The following PLPPR2 variants were observed in gnomAD, a reference collection of about 807,000 sequenced individuals.
PLPPR2 encodes the protein phospholipid phosphatase-related protein type 2.
PLPPR2 carries 11 observed loss-of-function variants against 40.3 expected under a neutral mutation model. The observed-to-expected ratio is 0.27, with a 90% CI of 0.17 to 0.45. The LOEUF is 0.45. Among genes scored for constraint, PLPPR2 ranks in the 20% least tolerant of loss-of-function variants. The pLI is 1.00. For missense variants in PLPPR2, 497 were observed against 640.7 expected (o/e 0.78, Z 2.42); for synonymous variants, 260 against 290.8 (o/e 0.89, Z 1.08).
chr19:11,359,362 C>T lies in PLPPR2; in HGVS notation c.67-170C>T. On this transcript the variant is annotated intron_variant, in intron 3 of 9. Coordinates refer to ENST00000688289, the MANE Select transcript of PLPPR2 (RefSeq NM_001393892.1). This position sits in a 1 kb window ranked among gnomAD's most constrained non-coding sequence, Gnocchi z 5.6. ...CCTGACCCTTCTCTCACCTCCTTTC[C>T]CCATTTCTCTCAGTCTCTCTCCCCC... The T allele has an allele frequency of 3.6e-6, 2 of 553,204 alleles. No homozygotes were observed. Among genetic ancestry groups the T allele is most frequent in the Non-Finnish European group, 5.9e-6 (2 of 336,904 alleles). The allele number at this position is 553,204 out of a possible 1,614,324, so 34.3% of individuals were successfully genotyped here.
Position 11,363,851 on chromosome 19 carries a change from G to C in PLPPR2, c.963+16G>C. Reference sequence around the variant, plus strand: ...TGTGGCGCAGGTAAGGGGGGCCGGGGGCTGCTCCCGGCTGGAGAGGGTGGT... The same window carrying C: ...TGTGGCGCAGGTAAGGGGGGCCGGGCGCTGCTCCCGGCTGGAGAGGGTGGT... On this transcript the variant is annotated intron_variant, in intron 8 of 9. Transcript: ENST00000688289. The surrounding 1 kb of genome is among the most constrained non-coding windows in gnomAD (Gnocchi z 4.8). The C allele has an allele frequency of 6.2e-7, 1 of 1,609,908 alleles. No homozygotes were observed. Among genetic ancestry groups the C allele is most frequent in the Non-Finnish European group, 8.5e-7 (1 of 1,177,920 alleles).
At position 11,362,338 on chromosome 19, in the gene PLPPR2, T is replaced by G; in HGVS notation, c.664-175T>G. 4.7e-5 allele frequency: 21 copies of G among 450,352 alleles called. No individual in the cohort carries two copies. The highest frequency in any genetic ancestry group is 5.6e-5 in the Non-Finnish European group (14 of 252,144). The allele number at this position is 450,352 out of a possible 1,614,324, so 27.9% of individuals were successfully genotyped here. ...TCCCTGACCCCCCCCCCTTTGCCTT[T>G]TTGGTCACGCTCCCTGGAAAAGCCC... On this transcript the variant is annotated intron_variant, in intron 6 of 9. Transcript: ENST00000688289. The surrounding 1 kb of genome is among the most constrained non-coding windows in gnomAD (Gnocchi z 5.3).
Position 11,363,463 on chromosome 19 carries a change from TAAAAA to T in PLPPR2, c.841-247_841-243del, listed in dbSNP as rs1568322679. Reference sequence around the variant, plus strand: ...AGACTGTCTCAAAAAAATAAAAAATTAAAAAAATTAAATCCTGCCACTGTACAACT... The same window carrying T: ...AGACTGTCTCAAAAAAATAAAAAATTAATTAAATCCTGCCACTGTACAACT... On this transcript the variant is annotated intron_variant, in intron 7 of 9. Coordinates refer to ENST00000688289, the MANE Select transcript of PLPPR2 (RefSeq NM_001393892.1). This position sits in a 1 kb window ranked among gnomAD's most constrained non-coding sequence, Gnocchi z 4.8. Among the ~76,000 whole-genome samples the T allele has an allele frequency of 6.6e-6, 1 of 151,962 alleles. No homozygotes were observed. The highest frequency in any genetic ancestry group is 2.4e-5 in the African/African-American group (1 of 41,440).
intron 3 of PLPPR2, 32 bp downstream of exon 3, chr19:11,357,771 C>A: frequency 1.3e-6 from 2 of 1,548,048 alleles, no homozygotes; most frequent in Non-Finnish European, 1.8e-6. Context: ...CCAGAGACGG[C>A]GTGCCTATCT....
chr19:11,364,984 TAACCAAAAGGAGTTGGCTCC>T lies in PLPPR2; in HGVS notation c.*301_*320del. The T allele has an allele frequency of 2.2e-6, 1 of 454,776 alleles. No individual in the cohort carries two copies. Among genetic ancestry groups the T allele is most frequent in the African/African-American group, 2.1e-5 (1 of 48,754 alleles). The allele number at this position is 454,776 out of a possible 1,614,324, so 28.2% of individuals were successfully genotyped here. On this transcript the variant is annotated 3_prime_UTR_variant, in exon 10 of 10. Coordinates refer to ENST00000688289, the MANE Select transcript of PLPPR2 (RefSeq NM_001393892.1). The surrounding 1 kb of genome is among the most constrained non-coding windows in gnomAD (Gnocchi z 5.8). Reference sequence around the variant, plus strand: ...TGAGAACCCCTGGTTCTCAGAATTTTAACCAAAAGGAGTTGGCTCCAACCAATGGGAGCCTTCCCCTCACT... The same window carrying T: ...TGAGAACCCCTGGTTCTCAGAATTTTAACCAATGGGAGCCTTCCCCTCACT...
rs1266553129 is a variant in PLPPR2 at position 11,364,705 on chromosome 19, C to T, written c.*15C>T. 2 of 1,537,116 alleles carry T rather than the reference C, an allele frequency of 1.3e-6. No individual in the cohort carries two copies. The highest frequency in any genetic ancestry group is 1.7e-6 in the Non-Finnish European group (2 of 1,146,818). On this transcript the variant is annotated 3_prime_UTR_variant, in exon 10 of 10. Transcript: ENST00000688289. This position sits in a 1 kb window ranked among gnomAD's most constrained non-coding sequence, Gnocchi z 5.8. Reference sequence around the variant, plus strand: ...ACCTGCTGTGAGGCCCGACCACCCACCCAGAATCTGCCCAGTCCCCACTTC... The same window carrying T: ...ACCTGCTGTGAGGCCCGACCACCCATCCAGAATCTGCCCAGTCCCCACTTC...
chr19:11,364,631 C>G lies in PLPPR2; in HGVS notation c.1300C>G (p.Pro434Ala). Residue 434 changes from proline to alanine, a missense_variant, in exon 10 of 10, where the codon CCC becomes GCC. Transcript: ENST00000688289. The surrounding 1 kb of genome is among the most constrained non-coding windows in gnomAD (Gnocchi z 5.8). Reference protein sequence around the residue: ...LYTLSGLYPSPFHRDNFSPYL... With the variant: ...LYTLSGLYPSAFHRDNFSPYL... ...CACCCTGAGTGGACTCTATCCCTCC[C>G]CCTTCCACCGGGACAACTTCAGCCC... The G allele has an allele frequency of 1.3e-6, 2 of 1,537,246 alleles. No individual in the cohort carries two copies. Among genetic ancestry groups the G allele is most frequent in the Non-Finnish European group, 1.7e-6 (2 of 1,146,894 alleles).
At chr19:11,357,922 C>T (rs1054991255) in intron 3 of PLPPR2, among the ~76,000 whole-genome samples, 183 bp downstream of exon 3, 2 of 152,100 alleles carry the variant, frequency 1.3e-5, no homozygotes, top group Non-Finnish European at 1.5e-5. Context: ...TCCCTCTCTG[C>T]CCCATCCACA....
At chr19:11,356,565 G>C (rs1183819432) in intron 1 of PLPPR2, among the ~76,000 whole-genome samples, 1 of 151,984 alleles carries the variant, frequency 6.6e-6, no homozygotes, top group Non-Finnish European at 1.5e-5. Context: ...CTGAACAAGG[G>C]GGCCCCTCTT....
Position 11,364,290 on chromosome 19 carries a change from C to A in PLPPR2, c.1016-57C>A. The stretch of plus-strand genomic sequence containing the variant: ...CACTGCCCCAGAGGTCTCACCTAGG[C>A]CTTTATGCTGCCTCCCGAGTTTTCT... On this transcript the variant is annotated intron_variant, in intron 9 of 9. Transcript: ENST00000688289. The surrounding 1 kb of genome is among the most constrained non-coding windows in gnomAD (Gnocchi z 5.8). 6.5e-7 allele frequency: 1 copy of A among 1,538,890 alleles called. No homozygotes were observed. Among genetic ancestry groups the A allele is most frequent in the Non-Finnish European group, 8.7e-7 (1 of 1,142,938 alleles).
Position 11,361,463 on chromosome 19 carries a change from G to A in PLPPR2, c.638G>A (p.Cys213Tyr). The stretch of plus-strand genomic sequence containing the variant: ...TTCCCCTGCAAGGATGCGGCCCTCT[G>A]CGCCTACGCGGTCACCTACACAGCG... Reference protein sequence around the residue: ...RAFPCKDAALCAYAVTYTAMY... With the variant: ...RAFPCKDAALYAYAVTYTAMY... The change falls in exon 6 of 10, where the codon TGC becomes TAC. Residue 213 changes from cysteine to tyrosine, a missense_variant. Physicochemically the swap from Cys to Tyr is radical, Grantham distance 194 (BLOSUM62 -2). Transcript: ENST00000688289. The surrounding 1 kb of genome is among the most constrained non-coding windows in gnomAD (Gnocchi z 6.3). 1 of 1,601,792 alleles carries A rather than the reference G, an allele frequency of 6.2e-7. No homozygotes were observed. The highest frequency in any genetic ancestry group is 8.5e-7 in the Non-Finnish European group (1 of 1,178,646).
chr19:11,363,718 C>T lies in PLPPR2; in HGVS notation c.846C>T (p.Thr282=). The T allele has an allele frequency of 6.2e-7, 1 of 1,613,548 alleles. No homozygotes were observed. Among genetic ancestry groups the T allele is most frequent in the Non-Finnish European group, 8.5e-7 (1 of 1,179,618 alleles). The change falls in exon 8 of 10, where the codon ACC becomes ACT. Residue 282 remains threonine, a synonymous_variant. Coordinates refer to ENST00000688289, the MANE Select transcript of PLPPR2 (RefSeq NM_001393892.1). This position sits in a 1 kb window ranked among gnomAD's most constrained non-coding sequence, Gnocchi z 4.8. ...CTCCTCTCCCTCTATTCCAGGTCAC[C>T]TGCGTTGTGCATAACTTTCAGAGCC... ...TGAAIATFLV[T]CVVHNFQSRP...
At position 11,362,757 on chromosome 19, in the gene PLPPR2, C is replaced by T; in HGVS notation, c.840+68C>T. On this transcript the variant is annotated intron_variant, in intron 7 of 9. Transcript: ENST00000688289. This position sits in a 1 kb window ranked among gnomAD's most constrained non-coding sequence, Gnocchi z 5.3. The stretch of plus-strand genomic sequence containing the variant: ...CAGCTCTCTGACCCAAGAGGCAGGA[C>T]CACATGATGGAGAAGGGTGTGGACT... 3 of 1,531,526 alleles carry T rather than the reference C, an allele frequency of 2.0e-6. No individual in the cohort carries two copies. Among genetic ancestry groups the T allele is most frequent in the Non-Finnish European group, 2.7e-6 (3 of 1,128,992 alleles). 94.9% of individuals were successfully genotyped at this position (1,531,526 alleles called of 1,614,324 possible).
Position 11,359,963 on chromosome 19 carries a change from G to A in PLPPR2, c.391+7G>A, listed in dbSNP as rs151118825. ...AGGCTGGTCCGCTTCCTGGGTGAGA[G>A]ACATGGCCTGGGGTCAGCCCCATGG... On this transcript the variant is annotated splice_region_variant and intron_variant, in intron 5 of 9. Coordinates refer to ENST00000688289, the MANE Select transcript of PLPPR2 (RefSeq NM_001393892.1). This position sits in a 1 kb window ranked among gnomAD's most constrained non-coding sequence, Gnocchi z 5.6. The A allele has an allele frequency of 9.0e-4, 1,446 of 1,598,022 alleles. 12 individuals are homozygous for A. The African/African-American group carries it at 0.017, about 19-fold the overall frequency.
Position 11,359,019 on chromosome 19 carries a change from CTTTCTT to C in PLPPR2, c.67-509_67-504del, listed in dbSNP as rs916856352. Among the ~76,000 whole-genome samples the C allele has an allele frequency of 6.6e-6, 1 of 151,234 alleles. No homozygotes were observed. Among genetic ancestry groups the C allele is most frequent in the African/African-American group, 2.4e-5 (1 of 41,154 alleles). On this transcript the variant is annotated intron_variant, in intron 3 of 9. Coordinates refer to ENST00000688289, the MANE Select transcript of PLPPR2 (RefSeq NM_001393892.1). This position sits in a 1 kb window ranked among gnomAD's most constrained non-coding sequence, Gnocchi z 5.6. ...CATGAGCCACGTTTTAATTTTTTTT[CTTTCTT>C]TTTGTCTTTCAGCCATTCCTTTTCC...
chr19:11,365,007 C>T lies in PLPPR2; in HGVS notation c.*317C>T, dbSNP rs1968154807. On this transcript the variant is annotated 3_prime_UTR_variant, in exon 10 of 10. Transcript: ENST00000688289. ...TTTAACCAAAAGGAGTTGGCTCCAACCAATGGGAGCCTTCCCCTCACTTCT... is the reference window on the plus strand; with the variant it reads ...TTTAACCAAAAGGAGTTGGCTCCAATCAATGGGAGCCTTCCCCTCACTTCT... 5.0e-6 allele frequency: 2 copies of T among 397,804 alleles called. No homozygotes were observed. The highest frequency in any genetic ancestry group is 5.0e-5 in the East Asian group (1 of 19,806). The allele number at this position is 397,804 out of a possible 1,614,324, so 24.6% of individuals were successfully genotyped here.
chr19:11,359,502 C>T lies in PLPPR2; in HGVS notation c.67-30C>T, dbSNP rs1967984131. 1.3e-6 allele frequency: 2 copies of T among 1,511,860 alleles called. No individual in the cohort carries two copies. Among genetic ancestry groups the T allele is most frequent in the Admixed American group, 2.1e-5 (1 of 47,420 alleles). The allele number at this position is 1,511,860 out of a possible 1,614,324, so 93.7% of individuals were successfully genotyped here. On this transcript the variant is annotated intron_variant, in intron 3 of 9. Transcript: ENST00000688289. This position sits in a 1 kb window ranked among gnomAD's most constrained non-coding sequence, Gnocchi z 5.6. Reference sequence around the variant, plus strand: ...TCCTGACCTCTCTCTTCTCTCTCCGCCACCTCTCCCCGCCCTGGCTTGGTG... The same window carrying T: ...TCCTGACCTCTCTCTTCTCTCTCCGTCACCTCTCCCCGCCCTGGCTTGGTG...
chr19:11,363,869 A>C lies in PLPPR2; in HGVS notation c.963+34A>C, dbSNP rs746469456. On this transcript the variant is annotated intron_variant, in intron 8 of 9. Coordinates refer to ENST00000688289, the MANE Select transcript of PLPPR2 (RefSeq NM_001393892.1). This position sits in a 1 kb window ranked among gnomAD's most constrained non-coding sequence, Gnocchi z 4.8. The stretch of plus-strand genomic sequence containing the variant: ...GGCCGGGGGCTGCTCCCGGCTGGAG[A>C]GGGTGGTGGGTGGAGGGGGCCAAGG... 1 of 1,601,916 alleles carries C rather than the reference A, an allele frequency of 6.2e-7. No homozygotes were observed. The highest frequency in any genetic ancestry group is 1.1e-5 in the South Asian group (1 of 90,180).
In PLPPR2 at chr19:11,359,194, CAG is replaced by C. The variant is rs964648474; in HGVS notation, c.67-334_67-333del. On this transcript the variant is annotated intron_variant, in intron 3 of 9. Coordinates refer to ENST00000688289, the MANE Select transcript of PLPPR2 (RefSeq NM_001393892.1). The surrounding 1 kb of genome is among the most constrained non-coding windows in gnomAD (Gnocchi z 5.6). ...CCAAGTAGCTGGGACTATAGTTGTA[CAG>C]AGATAAGGTCATGCGATCTCAAACT... 2.0e-5 allele frequency among the ~76,000 whole-genome samples: 3 copies of C among 151,952 alleles called. No homozygotes were observed. Among genetic ancestry groups the C allele is most frequent in the African/African-American group, 7.3e-5 (3 of 41,350 alleles).
Sources: gnomAD v4.1 joint callset for allele counts (sites outside exome capture counted in the v4.1 genomes callset) on GRCh38, gnomAD v4.1.1 for gene constraint, Gnocchi (gnomAD v3.1) non-coding constraint, MANE v1.5 for transcripts, NCBI Gene and HGNC (gene_info 2026-07-23, HGNC 2026-07-21) for gene names.